The following TENM4 variants were observed in gnomAD, a reference collection of about 807,000 sequenced individuals.
TENM4 encodes the protein teneurin transmembrane protein 4.
A neutral mutation model predicts 243.3 loss-of-function variants in TENM4; 82 were observed. The observed-to-expected ratio is 0.34, with a 90% CI of 0.28 to 0.40. The LOEUF (loss-of-function observed/expected upper bound fraction) is 0.40. TENM4 is among the 10% of genes least tolerant of loss of function. The pLI is 1.00. For missense variants in TENM4, 3,138 were observed against 3,673.3 expected, an observed-to-expected ratio of 0.85 and a Z score of 3.77; for synonymous variants, 1,412 against 1,456.3, an observed-to-expected ratio of 0.97 and a Z score of 0.69.
intron 5 of TENM4, among the ~76,000 whole-genome samples, chr11:79,066,896 G>A (rs1860274399): frequency 6.6e-6 from 1 of 152,212 alleles, no homozygotes; most frequent in South Asian, 2.1e-4. Flanking sequence ...GGTGGGTGGA[G>A]GTGTATCTCA....
intron 14 of TENM4, among the ~76,000 whole-genome samples, chr11:78,809,686 G>T (rs1857457426): frequency 6.6e-6 from 1 of 152,208 alleles, no homozygotes. Flanking sequence ...TGGTCAGGGA[G>T]GTGGGCTGGC....
intron 2 of TENM4, among the ~76,000 whole-genome samples, chr11:79,273,279 T>G (rs1388205568): frequency 6.6e-6 from 1 of 152,200 alleles, no homozygotes; most frequent in East Asian, 1.9e-4. Flanking sequence ...CATCCTAATT[T>G]CAGAGATGTT....
rs749045267 is a variant in TENM4 at position 78,814,287 on chromosome 11, T to TTC, written c.1783+5_1783+6dup. 1 of 1,548,328 alleles carries TTC rather than the reference T, an allele frequency of 6.5e-7. No homozygotes were observed. Among genetic ancestry groups the TTC allele is most frequent in the South Asian group, 1.2e-5 (1 of 83,882 alleles). On this transcript the variant is annotated splice_region_variant and intron_variant, in intron 13 of 33. Coordinates refer to ENST00000278550, the MANE Select transcript of TENM4 (RefSeq NM_001098816.3). The stretch of plus-strand genomic sequence containing the variant: ...AGAAATCCAGAGCTCCAATGCAGAG[T>TTC]TCTCACCTCTGCCACAGTCGGGGCC...
chr11:78,689,657 A>G (rs2135727338), intron 28 of TENM4, among the ~76,000 whole-genome samples: 1 of 152,038 alleles, frequency 6.6e-6, no homozygotes, highest in East Asian at 1.9e-4. Context: ...GTATCAGGGG[A>G]GACTTGGTGG....
intron 6 of TENM4, among the ~76,000 whole-genome samples, chr11:78,948,903 G>A (rs1293012128): frequency 6.6e-6 from 1 of 152,080 alleles, no homozygotes; most frequent in African/African-American, 2.4e-5. Context: ...TTGGATTCAG[G>A]TTACATGTTT....
At chr11:78,964,276 C>T (rs1210688290) in intron 6 of TENM4, among the ~76,000 whole-genome samples, 5 of 151,648 alleles carry the variant, frequency 3.3e-5, no homozygotes, top group Non-Finnish European at 5.9e-5. Flanking sequence ...CTCTTGACCT[C>T]GTGATCTGCC....
intron 3 of TENM4, among the ~76,000 whole-genome samples, chr11:79,203,213 G>A (rs1401400520): frequency 6.6e-6 from 1 of 151,894 alleles, no homozygotes; most frequent in African/African-American, 2.4e-5. Flanking sequence ...AAAACATTCT[G>A]GAAGTTCTTC....
intron 4 of TENM4, among the ~76,000 whole-genome samples, chr11:79,138,050 C>T (rs1862146174): frequency 1.3e-5 from 2 of 151,342 alleles, no homozygotes; most frequent in Admixed American, 1.3e-4. Flanking sequence ...AAAAGCAGAC[C>T]CACACTTAAT....
chr11:78,890,145 A>C (rs890424263), intron 8 of TENM4, 125 bp from the exon 9 acceptor site: 1 of 709,842 alleles, frequency 1.4e-6, no homozygotes, highest in Non-Finnish European at 2.3e-6. Flanking sequence ...GAGAGTCACC[A>C]CAGAGACCTG....
At chr11:79,292,844 A>C (rs1187240459) in intron 2 of TENM4, among the ~76,000 whole-genome samples, 1 of 152,252 alleles carries the variant, frequency 6.6e-6, no homozygotes. Context: ...TTGCTTTGAG[A>C]ATTAAAATAA....
chr11:78,888,322 ACAAT>A (rs1311736190), intron 9 of TENM4, among the ~76,000 whole-genome samples: 1 of 152,250 alleles, frequency 6.6e-6, no homozygotes, highest in Non-Finnish European at 1.5e-5. Flanking sequence ...CAGCAACTAA[ACAAT>A]CAGACAGAAG....
At chr11:79,277,086 G>A (rs532794801) in intron 2 of TENM4, among the ~76,000 whole-genome samples, 4 of 152,298 alleles carry the variant, frequency 2.6e-5, no homozygotes, top group African/African-American at 9.6e-5. Flanking sequence ...AGTAAGGAGT[G>A]AGGCAGGCTG....
At chr11:78,843,462 G>A (rs1361858597) in intron 12 of TENM4, among the ~76,000 whole-genome samples, 1 of 152,044 alleles carries the variant, frequency 6.6e-6, no homozygotes, top group Non-Finnish European at 1.5e-5. Context: ...ACTCCAGCCT[G>A]GGTGACAAAG....
chr11:78,811,506 C>G (rs981201295), intron 14 of TENM4, among the ~76,000 whole-genome samples: 1 of 152,066 alleles, frequency 6.6e-6, no homozygotes. Context: ...TCAATCTATA[C>G]AGCCATATAT....
chr11:79,332,781 G>A lies in TENM4; in HGVS notation c.-320-35238C>T, dbSNP rs868616795. On this transcript the variant is annotated intron_variant, in intron 1 of 33. Coordinates refer to ENST00000278550, the MANE Select transcript of TENM4 (RefSeq NM_001098816.3). Reference sequence around the variant, plus strand: ...TTGAATATACAGTCTGCACCTCTACGTTGTCCTGGCTAAGCAGCTCACAAC... The same window carrying A: ...TTGAATATACAGTCTGCACCTCTACATTGTCCTGGCTAAGCAGCTCACAAC... 2.0e-5 allele frequency among the ~76,000 whole-genome samples: 3 copies of A among 152,100 alleles called. No individual in the cohort carries two copies. The South Asian group carries it at 6.2e-4, about 31-fold the overall frequency.
intron 22 of TENM4, among the ~76,000 whole-genome samples, chr11:78,727,968 T>C (rs1855557154): frequency 1.3e-5 from 2 of 152,238 alleles, no homozygotes; most frequent in African/African-American, 4.8e-5. Context: ...GACGTCCCTG[T>C]GACCCCTTCC....
chr11:79,397,782 T>C (rs1006207614), intron 1 of TENM4, among the ~76,000 whole-genome samples: 1 of 152,122 alleles, frequency 6.6e-6, no homozygotes, highest in African/African-American at 2.4e-5. Context: ...GCCCAAAACT[T>C]AGGGCAGTTT....
chr11:78,806,212 T>C (rs1857384178), intron 14 of TENM4, among the ~76,000 whole-genome samples: 1 of 152,174 alleles, frequency 6.6e-6, no homozygotes, highest in Non-Finnish European at 1.5e-5. Flanking sequence ...GGCAGGAAGA[T>C]TGCTTGAGTC....
chr11:79,265,813 C>T (rs920641724), intron 2 of TENM4, among the ~76,000 whole-genome samples: 6 of 152,134 alleles, frequency 3.9e-5, no homozygotes, highest in Non-Finnish European at 8.8e-5. Context: ...TTCTCTCAGC[C>T]TAGGAGGTTA....
Sources: allele counts gnomAD v4.1 joint callset (sites outside exome capture counted in the v4.1 genomes callset), GRCh38; gene constraint gnomAD v4.1.1; transcripts MANE v1.5; gene names NCBI Gene and HGNC (gene_info 2026-07-23, HGNC 2026-07-21).